The following CCDC14 variants were observed in gnomAD, a reference collection of about 807,000 sequenced individuals.
CCDC14 encodes the protein coiled-coil domain containing 14, also known as coiled-coil domain-containing protein 14.
In CCDC14, 71 loss-of-function variants were observed where a neutral mutation model predicts 81.4. That is an observed-to-expected ratio of 0.87 (90% CI 0.72 to 1.06). The LOEUF is 1.06. CCDC14 is among the 50% of genes least tolerant of loss of function. The pLI, the probability that CCDC14 is intolerant of heterozygous loss-of-function variation, is 0.00. For missense variants in CCDC14, 1,046 were observed against 1,047.3 expected, an observed-to-expected ratio of 1.00 and a Z score of 0.02; for synonymous variants, 332 against 364.8, an observed-to-expected ratio of 0.91 and a Z score of 1.03.
intron 10 of CCDC14, among the ~76,000 whole-genome samples, chr3:123,933,230 T>G (rs1459863405): frequency 6.6e-6 from 1 of 152,222 alleles, no homozygotes; most frequent in Non-Finnish European, 1.5e-5. Context: ...AGGACCATAT[T>G]ATGGTAGACC....
chr3:123,961,010 C>T lies in CCDC14; in HGVS notation c.30+134G>A, dbSNP rs151328835. On this transcript the variant is annotated intron_variant, in intron 1 of 12. Coordinates refer to ENST00000409697, the MANE Select transcript of CCDC14 (RefSeq NM_001366335.1). ...ACGGGAAGATTAGGTGTTCCCTGCACCTCTGTCCCAGCACTTTAATGTCGC... is the reference window on the plus strand; with the variant it reads ...ACGGGAAGATTAGGTGTTCCCTGCATCTCTGTCCCAGCACTTTAATGTCGC... 82 of 760,668 alleles carry T rather than the reference C, an allele frequency of 1.1e-4. No individual in the cohort carries two copies. The African/African-American group carries it at 1.4e-3, about 13-fold the overall frequency. 47.1% of individuals were successfully genotyped at this position (760,668 alleles called of 1,614,324 possible). A position where few individuals can be genotyped will look rare whatever the true frequency, so the allele number is the denominator to read the frequency against.
chr3:123,901,456 A>G (rs905132232), intron 5 of CCDC14, among the ~76,000 whole-genome samples: 1 of 151,798 alleles, frequency 6.6e-6, no homozygotes, highest in Non-Finnish European at 1.5e-5. Flanking sequence ...TTTTTTTTTT[A>G]CTATGCAGAC....
the CCDC14 span, among the ~76,000 whole-genome samples, chr3:123,887,488 A>C: frequency 3.9e-5 from 6 of 152,078 alleles, no homozygotes; most frequent in South Asian, 4.1e-4. Flanking sequence ...AACAAAAAAA[A>C]AAAACACAAA....
intron 5 of CCDC14, among the ~76,000 whole-genome samples, chr3:123,901,263 CAG>C (rs1450561783): frequency 6.6e-6 from 1 of 151,186 alleles, no homozygotes; most frequent in African/African-American, 2.4e-5. Context: ...AAAAAGAAGA[CAG>C]AGTACACAGG....
chr3:123,928,304 T>G (rs1160696998), intron 12 of CCDC14, among the ~76,000 whole-genome samples: 1 of 135,298 alleles, frequency 7.4e-6, no homozygotes, highest in Non-Finnish European at 1.5e-5. Context: ...GAGACCATCC[T>G]GGCTAACATG....
At chr3:123,944,335 G>A (rs1049744886) in intron 9 of CCDC14, among the ~76,000 whole-genome samples, 20 of 152,084 alleles carry the variant, frequency 1.3e-4, no homozygotes, top group African/African-American at 3.9e-4. Flanking sequence ...AAGTGGTAGC[G>A]AAACGATCAC....
chr3:123,887,033 A>G, the CCDC14 span, among the ~76,000 whole-genome samples: 1 of 152,216 alleles, frequency 6.6e-6, no homozygotes, highest in African/African-American at 2.4e-5. Context: ...TGCATTAAAC[A>G]TATAATAATA....
chr3:123,908,959 T>C (rs1421906716), downstream of CCDC14, among the ~76,000 whole-genome samples: 2 of 152,000 alleles, frequency 1.3e-5, no homozygotes, highest in African/African-American at 4.8e-5. Context: ...TTGACTGACC[T>C]AAAAAAAAGA....
chr3:123,909,270 G>T (rs1157812909), downstream of CCDC14, among the ~76,000 whole-genome samples: 1 of 152,178 alleles, frequency 6.6e-6, no homozygotes. Context: ...GAACAAACGT[G>T]TAAGTCTCTT....
In CCDC14 at chr3:123,956,106, C is replaced by A. The variant is rs935547196; in HGVS notation, c.169G>T (p.Val57Leu). The A allele has an allele frequency of 3.2e-6, 5 of 1,542,810 alleles. No homozygotes were observed. The highest frequency in any genetic ancestry group is 3.5e-6 in the Non-Finnish European group (4 of 1,144,376). Reference sequence around the variant, plus strand: ...GAAGCACAACCATCAAGCCCGTGTACAGTTTCAGCCTGTAAGAAATAAAGT... The same window carrying A: ...GAAGCACAACCATCAAGCCCGTGTAAAGTTTCAGCCTGTAAGAAATAAAGT... Reference protein sequence around the residue: ...HSDSESQAETVHGLDGCASLL... With the variant: ...HSDSESQAETLHGLDGCASLL... Residue 57 changes from valine (V) to leucine (L), a missense_variant, in exon 4 of 13, where the codon GTA (valine) becomes TTA (leucine). Val to Leu is a conservative substitution (Grantham distance 32, BLOSUM62 1). Transcript: ENST00000409697.
At chr3:123,912,451 C>T (rs1559758577), downstream of CCDC14, among the ~76,000 whole-genome samples, 1 of 152,184 alleles carries the variant, frequency 6.6e-6, no homozygotes, top group Admixed American at 6.5e-5. Context: ...TTAGACATCG[C>T]TCAGTGTGTC....
rs918377053 is a variant in CCDC14 at position 123,914,094 on chromosome 3, C to G, written c.*685G>C. The G allele has an allele frequency of 1.2e-5, 12 of 985,492 alleles. No individual in the cohort carries two copies. The East Asian group carries it at 1.2e-3, about 103-fold the overall frequency. The allele number at this position is 985,492 out of a possible 1,614,324, so 61.0% of individuals were successfully genotyped here. ...AACCCACAAATTTCCCCAACTATAG[C>G]TTATCTGTTAGCACTTCTTTATCAG... On this transcript the variant is annotated 3_prime_UTR_variant, in exon 13 of 13. Coordinates refer to ENST00000409697, the MANE Select transcript of CCDC14 (RefSeq NM_001366335.1).
At chr3:123,925,188 C>T (rs757004788) in intron 12 of CCDC14, among the ~76,000 whole-genome samples, 14 of 150,980 alleles carry the variant, frequency 9.3e-5, no homozygotes, top group Non-Finnish European at 1.6e-4. Context: ...ATGAATGAAC[C>T]TGGAGGACAT....
chr3:123,923,028 T>C (rs951051799), intron 12 of CCDC14, among the ~76,000 whole-genome samples: 27 of 152,116 alleles, frequency 1.8e-4, no homozygotes, highest in African/African-American at 6.3e-4. Flanking sequence ...TAAAAAACCC[T>C]CAACAAAATA....
At chr3:123,958,825 T>G (rs2037495742) in intron 1 of CCDC14, 1 of 152,134 alleles carries the variant, frequency 6.6e-6, no homozygotes, top group Admixed American at 6.5e-5. Flanking sequence ...TCACGCCCAA[T>G]CCATGCTCAC....
rs563912586 is a variant in CCDC14, at chr3:123,915,627, A to G, written c.1870T>C (p.Leu624=). The G allele has an allele frequency of 4.3e-6, 7 of 1,614,052 alleles. No individual in the cohort carries two copies. In the African/African-American group the frequency reaches 5.3e-5, roughly 12 times the overall value. ...KPGNNLTKSL[L]NIHDKQLQHD... is the part of the protein sequence containing the mutation. ...TGAAGTTGTTTATCATGAATGTTCA[A>G]GAGTGATTTGGTAAGGTTATTCCCA... The change falls in exon 13 of 13, where the codon TTG becomes CTG. Residue 624 remains leucine (L), a synonymous_variant. Coordinates refer to ENST00000409697, the MANE Select transcript of CCDC14 (RefSeq NM_001366335.1).
intron 1 of CCDC14, 59 bp from the exon 2 acceptor site, chr3:123,956,854 G>T: frequency 8.9e-7 from 1 of 1,118,282 alleles, no homozygotes; most frequent in Non-Finnish European, 1.3e-6. Context: ...TTTTCAATAT[G>T]CTATCTTGAC....
At chr3:123,944,378 A>ACCACATCCACATTCTCTTTTT (rs1228798025) in intron 9 of CCDC14, among the ~76,000 whole-genome samples, 12 of 152,098 alleles carry the variant, frequency 7.9e-5, no homozygotes, top group Admixed American at 4.6e-4. Context: ...CTCCCCCATT[A>ACCACATCCACATTCTCTTTTT]CCACATCCAC....
intron 12 of CCDC14, among the ~76,000 whole-genome samples, chr3:123,920,948 G>A (rs540942604): frequency 3.9e-5 from 6 of 152,262 alleles, no homozygotes; most frequent in Non-Finnish European, 8.8e-5. Flanking sequence ...GAGTAAAAGT[G>A]TAGTTTTTGT....
Sources: allele counts gnomAD v4.1 joint callset (sites outside exome capture counted in the v4.1 genomes callset), GRCh38; gene constraint gnomAD v4.1.1; transcripts MANE v1.5; gene names NCBI Gene and HGNC (gene_info 2026-07-23, HGNC 2026-07-21).